Variants in APCDD1L observed in about 807,000 individuals in gnomAD.
APCDD1L encodes the protein protein APCDD1-like.
APCDD1L carries 21 observed loss-of-function variants against 24.2 expected under a neutral mutation model. The ratio of observed to expected loss-of-function variants is 0.87; its 90% CI spans 0.61 to 1.25. The LOEUF is 1.25. Ranked by LOEUF, APCDD1L falls within the 50% of genes most tolerant of loss-of-function variation. The pLI is 0.00. For synonymous variants in APCDD1L, 321 were observed against 323.6 expected (o/e 0.99, Z 0.09); for missense variants, 704 against 711.7 (o/e 0.99, Z 0.12).
intron 1 of APCDD1L, among the ~76,000 whole-genome samples, chr20:58,509,632 CATT>C (rs1219404898): frequency 2.0e-5 from 3 of 152,122 alleles, no homozygotes; most frequent in Admixed American, 2.0e-4. Flanking sequence ...CTGTCACTGT[CATT>C]ATTACCAGGC....
intron 1 of APCDD1L, among the ~76,000 whole-genome samples, chr20:58,495,686 G>A (rs958850491): frequency 6.6e-6 from 1 of 152,182 alleles, no homozygotes; most frequent in Non-Finnish European, 1.5e-5. Context: ...GACATGTTTG[G>A]GGGAAAGGGG....
At position 58,467,715 on chromosome 20, in the gene APCDD1L, C is replaced by G; in HGVS notation, c.189-57G>C. ...AGAGGGAACACCGCGCCGCGAGCCCCTCTCCCCTCTGGGCTGGGCTCCTTT... is the reference window on the plus strand; with the variant it reads ...AGAGGGAACACCGCGCCGCGAGCCCGTCTCCCCTCTGGGCTGGGCTCCTTT... On this transcript the variant is annotated intron_variant, in intron 2 of 3. Transcript: ENST00000371149. The surrounding 1 kb of genome is among the most constrained non-coding windows in gnomAD (Gnocchi z 5.9). 3 of 1,386,702 alleles carry G rather than the reference C, an allele frequency of 2.2e-6. No individual in the cohort carries two copies. The highest frequency in any genetic ancestry group is 2.8e-6 in the Non-Finnish European group (3 of 1,065,078). The allele number at this position is 1,386,702 out of a possible 1,614,324, so 85.9% of individuals were successfully genotyped here.
intron 1 of APCDD1L, among the ~76,000 whole-genome samples, chr20:58,476,209 G>A (rs552178371): frequency 6.6e-5 from 10 of 152,144 alleles, no homozygotes; most frequent in African/African-American, 1.9e-4. Context: ...TATTTATTTT[G>A]AGACGGAGTC....
At chr20:58,487,047 A>C (rs1990132180) in intron 1 of APCDD1L, among the ~76,000 whole-genome samples, 1 of 151,964 alleles carries the variant, frequency 6.6e-6, no homozygotes, top group Non-Finnish European at 1.5e-5. Context: ...TTTTCAGTAG[A>C]GACGAGGTTT....
At position 58,463,201 on chromosome 20, in the gene APCDD1L, G is replaced by A. The variant is rs148047832; in HGVS notation, c.742-1647C>T. On this transcript the variant is annotated intron_variant, in intron 3 of 3. Transcript: ENST00000371149. The stretch of plus-strand genomic sequence containing the variant: ...TTGGAAGCCCATTGCTTAAGTCTGC[G>A]CGAAGGAGATAGTTGAAATCTCGTA... Among the ~76,000 whole-genome samples the A allele has an allele frequency of 3.2e-3, 491 of 151,516 alleles. 4 individuals carry two copies. Among genetic ancestry groups the A allele is most frequent in the African/African-American group, 0.011 (451 of 41,262 alleles).
chr20:58,475,606 G>A (rs927570189), intron 1 of APCDD1L, among the ~76,000 whole-genome samples: 50 of 152,258 alleles, frequency 3.3e-4, no homozygotes, highest in African/African-American at 1.1e-3. Flanking sequence ...GGAGGGAGGA[G>A]CAGCTCAAGG....
chr20:58,513,989 T>C, intron 1 of APCDD1L: 3 of 1,274,950 alleles, frequency 2.4e-6, no homozygotes, highest in Admixed American at 2.4e-5. Context: ...ACTGGGCCCC[T>C]GTGATGGCAC....
chr20:58,479,450 A>G (rs1011873084), intron 1 of APCDD1L, among the ~76,000 whole-genome samples: 2 of 152,192 alleles, frequency 1.3e-5, no homozygotes, highest in Non-Finnish European at 2.9e-5. Context: ...GAGGTTTTCA[A>G]GTTGGCTTCT....
At chr20:58,483,202 A>G (rs539907174) in intron 1 of APCDD1L, among the ~76,000 whole-genome samples, 1 of 152,242 alleles carries the variant, frequency 6.6e-6, no homozygotes, top group East Asian at 1.9e-4. Flanking sequence ...GGAGGATGTA[A>G]TTAGTCCATG....
At chr20:58,471,014 T>A (rs759191457) in intron 1 of APCDD1L, among the ~76,000 whole-genome samples, 1 of 152,202 alleles carries the variant, frequency 6.6e-6, no homozygotes, top group Non-Finnish European at 1.5e-5. Context: ...ATGGAGCCTG[T>A]CCCAGATTCT....
At chr20:58,493,666 C>A (rs183200068) in intron 1 of APCDD1L, among the ~76,000 whole-genome samples, 3 of 152,212 alleles carry the variant, frequency 2.0e-5, no homozygotes, top group Admixed American at 1.3e-4. Flanking sequence ...AAAAAAAATA[C>A]CCCGTTTAGG....
Position 58,467,071 on chromosome 20 carries a change from A to AC in APCDD1L, c.741+34dup. On this transcript the variant is annotated intron_variant, in intron 3 of 3. Transcript: ENST00000371149. The surrounding 1 kb of genome is among the most constrained non-coding windows in gnomAD (Gnocchi z 5.9). Reference sequence around the variant, plus strand: ...CCGAGCTCGCCTCCCCGAGACCACCACCCCCCTCTCCCACACCCCAACACA... The same window carrying AC: ...CCGAGCTCGCCTCCCCGAGACCACCACCCCCCCTCTCCCACACCCCAACACA... 6.4e-7 allele frequency: 1 copy of AC among 1,553,394 alleles called. No homozygotes were observed. Among genetic ancestry groups the AC allele is most frequent in the Non-Finnish European group, 8.7e-7 (1 of 1,153,326 alleles).
intron 3 of APCDD1L, among the ~76,000 whole-genome samples, chr20:58,463,724 G>A (rs2123130891): frequency 6.6e-6 from 1 of 152,228 alleles, no homozygotes; most frequent in Admixed American, 6.5e-5. Flanking sequence ...GCCACAGGAA[G>A]GGGGCATTTT....
rs546741857 is a variant in APCDD1L, at chr20:58,470,789, G to A, written c.50-42C>T. 2.6e-4 allele frequency: 392 copies of A among 1,499,520 alleles called. 4 individuals carry two copies. In the South Asian group the frequency reaches 3.2e-3, roughly 12 times the overall value. 92.9% of individuals were successfully genotyped at this position (1,499,520 alleles called of 1,614,324 possible). ...CCTGGGTAAGACCCCAGCATGCCCC[G>A]GGAACACCCACCCCATCTGCCCTCC... On this transcript the variant is annotated intron_variant, in intron 1 of 3. Coordinates refer to ENST00000371149, the MANE Select transcript of APCDD1L (RefSeq NM_153360.3).
Position 58,461,301 on chromosome 20 carries a change from G to A in APCDD1L, c.995C>T (p.Ala332Val). The change falls in exon 4 of 4, where the codon GCC becomes GTC. Residue 332 changes from alanine to valine, a missense_variant. Coordinates refer to ENST00000371149, the MANE Select transcript of APCDD1L (RefSeq NM_153360.3). The surrounding 1 kb of genome is among the most constrained non-coding windows in gnomAD (Gnocchi z 6.0). ...CGTGCCCCTGGTGTAGCGGCCGGCGGCATACACGGTGAAGGTGGGCTGCCG... is the reference window on the plus strand; with the variant it reads ...CGTGCCCCTGGTGTAGCGGCCGGCGACATACACGGTGAAGGTGGGCTGCCG... ...ACRQPTFTVY[A>V]AGRYTRGTPS... is the part of the protein sequence containing the mutation. 2.5e-6 allele frequency: 4 copies of A among 1,609,714 alleles called. No homozygotes were observed. Among genetic ancestry groups the A allele is most frequent in the South Asian group, 1.1e-5 (1 of 90,834 alleles).
At chr20:58,481,171 C>G (rs1568741866) in intron 1 of APCDD1L, among the ~76,000 whole-genome samples, 1 of 152,242 alleles carries the variant, frequency 6.6e-6, no homozygotes, top group African/African-American at 2.4e-5. Flanking sequence ...GTCCTGTTGC[C>G]TGCCCTAAGC....
At chr20:58,478,493 G>A (rs918445223) in intron 1 of APCDD1L, among the ~76,000 whole-genome samples, 1 of 151,602 alleles carries the variant, frequency 6.6e-6, no homozygotes, top group Non-Finnish European at 1.5e-5. Flanking sequence ...CCTCATGAGG[G>A]CTGGGTCCTC....
Position 58,494,685 on chromosome 20 carries a change from T to C in APCDD1L, c.49+19974A>G, listed in dbSNP as rs886563432. The stretch of plus-strand genomic sequence containing the variant: ...ACATATACTTTGTAGTCCTCAAATA[T>C]CTAATAAAAATGCACATTTGATCAA... On this transcript the variant is annotated intron_variant, in intron 1 of 3. Transcript: ENST00000371149. The surrounding 1 kb of genome is among the most constrained non-coding windows in gnomAD (Gnocchi z 4.8). Among the ~76,000 whole-genome samples, 1 of 152,050 alleles carries C rather than the reference T, an allele frequency of 6.6e-6. No individual in the cohort carries two copies. Among genetic ancestry groups the C allele is most frequent in the Admixed American group, 6.6e-5 (1 of 15,264 alleles).
chr20:58,487,051 G>A (rs1037742730), intron 1 of APCDD1L, among the ~76,000 whole-genome samples: 9 of 151,778 alleles, frequency 5.9e-5, no homozygotes, highest in Non-Finnish European at 1.2e-4. Context: ...CAGTAGAGAC[G>A]AGGTTTCACC....
Sources: gnomAD v4.1 joint callset for allele counts (sites outside exome capture counted in the v4.1 genomes callset) on GRCh38, gnomAD v4.1.1 for gene constraint, Gnocchi (gnomAD v3.1) non-coding constraint, MANE v1.5 for transcripts, NCBI Gene and HGNC (gene_info 2026-07-23, HGNC 2026-07-21) for gene names.